CDH2: variants seen among roughly 807,000 people sequenced by gnomAD.
CDH2 encodes cadherin 2.
In CDH2, 17 loss-of-function variants were observed where a neutral mutation model predicts 92.0. The ratio of observed to expected loss-of-function variants is 0.18; its 90% confidence interval spans 0.13 to 0.28. The LOEUF (loss-of-function observed/expected upper bound fraction) is 0.28, where lower values mean the gene tolerates loss of function less well. CDH2 is among the 10% of genes least tolerant of loss of function. The pLI is 1.00. For missense variants in CDH2, 862 were observed against 1,133.1 expected (o/e 0.76, Z 3.44); for synonymous variants, 419 against 415.9 (o/e 1.01, Z -0.09).
At chr18:27,964,825 C>T (rs1291570080) in intron 14 of CDH2, among the ~76,000 whole-genome samples, 1 of 152,134 alleles carries the variant, frequency 6.6e-6, no homozygotes, top group African/African-American at 2.4e-5. Context: ...GTATTAGATT[C>T]CAAAGCCTGG....
rs1189608138 is a variant in CDH2 at position 27,973,265 on chromosome 18, CAT to C, written c.2349+9677_2349+9678del. Among the ~76,000 whole-genome samples the C allele has an allele frequency of 3.3e-5, 5 of 152,252 alleles. No individual in the cohort carries two copies. The East Asian group carries it at 9.7e-4, about 29-fold the overall frequency. On this transcript the variant is annotated intron_variant, in intron 14 of 15. Transcript: ENST00000269141. ...CATTGAAAAAAAGTCAGTGGACACT[CAT>C]ATGGTAATTATATCTAGGTCTTCTG... is the stretch of plus-strand genomic sequence containing the variant.
intron 2 of CDH2, among the ~76,000 whole-genome samples, chr18:28,108,467 T>G (rs1300925420): frequency 6.6e-6 from 1 of 152,132 alleles, no homozygotes; most frequent in Non-Finnish European, 1.5e-5. Context: ...TCACATACAC[T>G]TGAGTCCTGG....
intron 14 of CDH2, among the ~76,000 whole-genome samples, chr18:27,980,564 T>C (rs1187419520): frequency 6.6e-6 from 1 of 152,160 alleles, no homozygotes; most frequent in Non-Finnish European, 1.5e-5. Context: ...TATATAATTT[T>C]GTCACAACTG....
chr18:27,959,852 C>T (rs1206587024), intron 15 of CDH2, among the ~76,000 whole-genome samples: 1 of 151,952 alleles, frequency 6.6e-6, no homozygotes, highest in Non-Finnish European at 1.5e-5. Context: ...TAATTATATT[C>T]GAATTCATGG....
chr18:27,945,323 A>ATTTTTTTTTTT (rs66537834), intron 6 of CDH2, among the ~76,000 whole-genome samples: 3 of 66,458 alleles, frequency 4.5e-5, no homozygotes, highest in African/African-American at 5.9e-5. Flanking sequence ...AGGAAGGAAG[A>ATTTTTTTTTTT]TTTTTTTTTT....
chr18:28,142,936 C>T (rs950965406), intron 2 of CDH2, among the ~76,000 whole-genome samples: 2 of 151,996 alleles, frequency 1.3e-5, no homozygotes, highest in African/African-American at 4.8e-5. Flanking sequence ...AAGAGTTGTA[C>T]AATTGTATAG....
chr18:27,958,388 G>T (rs1432540120), intron 15 of CDH2, among the ~76,000 whole-genome samples: 1 of 151,540 alleles, frequency 6.6e-6, no homozygotes, highest in East Asian at 1.9e-4. Flanking sequence ...TTATTCACTT[G>T]GTTTTTATAC....
chr18:28,152,833 C>G (rs2144336728), intron 1 of CDH2, among the ~76,000 whole-genome samples: 1 of 152,028 alleles, frequency 6.6e-6, no homozygotes, highest in Middle Eastern at 3.4e-3. Context: ...GGACACAGAC[C>G]TGAGTCAGGG....
intron 1 of CDH2, among the ~76,000 whole-genome samples, chr18:28,170,289 T>A (rs2016445329): frequency 6.6e-6 from 1 of 152,230 alleles, no homozygotes; most frequent in South Asian, 2.1e-4. Flanking sequence ...TGTGTCAAAT[T>A]AATCCTCATT....
intron 2 of CDH2, among the ~76,000 whole-genome samples, chr18:28,022,382 C>T (rs2013435787): frequency 6.6e-6 from 1 of 151,910 alleles, no homozygotes; most frequent in Admixed American, 6.6e-5. Flanking sequence ...AATATATAAA[C>T]TAATATGCAT....
rs1057497025 is a variant in CDH2 at position 28,177,095 on chromosome 18, G to A, written c.-73C>T. ...GGCGGCGGCGGCGGAGGAGGAGGAGGCAGCGGCAGCACCAACAGCGGCGCG... is the reference window on the plus strand; with the variant it reads ...GGCGGCGGCGGCGGAGGAGGAGGAGACAGCGGCAGCACCAACAGCGGCGCG... On this transcript the variant is annotated 5_prime_UTR_variant, in exon 1 of 16. Transcript: ENST00000269141. 1 of 1,178,766 alleles carries A rather than the reference G, an allele frequency of 8.5e-7. No individual in the cohort carries two copies. The highest frequency in any genetic ancestry group is 1.2e-6 in the Non-Finnish European group (1 of 850,844). The allele number at this position is 1,178,766 out of a possible 1,614,324, so 73.0% of individuals were successfully genotyped here.
chr18:28,041,023 C>CA (rs2013937886), intron 2 of CDH2, among the ~76,000 whole-genome samples: 1 of 152,160 alleles, frequency 6.6e-6, no homozygotes, highest in Non-Finnish European at 1.5e-5. Context: ...GTTTGAACAT[C>CA]ACTCTGTGAT....
intron 2 of CDH2, among the ~76,000 whole-genome samples, chr18:28,140,952 T>C (rs867494916): frequency 2.8e-4 from 43 of 150,990 alleles, no homozygotes; most frequent in South Asian, 2.5e-3. Flanking sequence ...TAGTCATTAA[T>C]GCAAATCAAA....
chr18:28,094,122 G>T (rs777410839), intron 2 of CDH2, among the ~76,000 whole-genome samples: 42 of 152,174 alleles, frequency 2.8e-4, no homozygotes, highest in Non-Finnish European at 2.6e-4. Context: ...CCCTTTAAAA[G>T]AAACCCCAGT....
intron 2 of CDH2, among the ~76,000 whole-genome samples, chr18:28,088,457 T>C (rs1421277060): frequency 1.3e-5 from 2 of 152,240 alleles, no homozygotes; most frequent in African/African-American, 2.4e-5. Flanking sequence ...ATCATTTGGA[T>C]GTCTCCAAGT....
At chr18:28,066,191 CA>C (rs2014503343) in intron 2 of CDH2, among the ~76,000 whole-genome samples, 1 of 151,996 alleles carries the variant, frequency 6.6e-6, no homozygotes, top group African/African-American at 2.4e-5. Flanking sequence ...CAATAATAAA[CA>C]ATATTTCAAT....
intron 2 of CDH2, among the ~76,000 whole-genome samples, chr18:28,062,043 G>A (rs1346815102): frequency 6.6e-6 from 1 of 152,130 alleles, no homozygotes; most frequent in African/African-American, 2.4e-5. Context: ...CCTTTTGACA[G>A]CCACATAGTA....
intron 14 of CDH2, among the ~76,000 whole-genome samples, chr18:27,977,360 C>CT (rs201359515): frequency 6.5e-4 from 99 of 151,322 alleles, no homozygotes; most frequent in African/African-American, 8.7e-4. Flanking sequence ...GTAGTTGTTT[C>CT]TTTTTTTTTC....
At chr18:28,067,747 C>T (rs2014537382) in intron 2 of CDH2, among the ~76,000 whole-genome samples, 2 of 152,100 alleles carry the variant, frequency 1.3e-5, no homozygotes, top group South Asian at 4.1e-4. Context: ...AAAGCACCAT[C>T]TCCTCAAAGT....
Sources: allele counts gnomAD v4.1 joint callset (sites outside exome capture counted in the v4.1 genomes callset), GRCh38; gene constraint gnomAD v4.1.1; transcripts MANE v1.5; gene names NCBI Gene and HGNC (gene_info 2026-07-23, HGNC 2026-07-21).